Variants in RTL9 observed in about 807,000 individuals in gnomAD.
The protein encoded by RTL9 is retrotransposon Gag like 9.
Under a neutral mutation model 44.7 loss-of-function variants are expected in RTL9, and 19 were observed. The observed-to-expected ratio is 0.42, with a 90% CI of 0.30 to 0.62. The LOEUF is 0.62. Among genes scored for constraint, RTL9 ranks in the 20% least tolerant of loss-of-function variants. The probability of loss-of-function intolerance (pLI) is 0.16; values close to 1 mark genes in which losing one functional copy is unlikely to be tolerated. For missense variants in RTL9, 1,105 were observed against 1,080.6 expected (o/e 1.02, Z -0.32); for synonymous variants, 407 against 398.9 (o/e 1.02, Z -0.24).
At chrX:110,360,702 C>T (rs1389047762) in intron 1 of RTL9, among the ~76,000 whole-genome samples, 2 of 110,947 alleles carry the variant, frequency 1.8e-5, no homozygotes, top group African/African-American at 6.6e-5. Context: ...AGGGGAAGGA[C>T]AAATGAGATG....
intron 1 of RTL9, among the ~76,000 whole-genome samples, chrX:110,398,961 T>C (rs1173071993): frequency 8.9e-6 from 1 of 112,098 alleles, no homozygotes; most frequent in East Asian, 2.8e-4. Flanking sequence ...ATGCTATGAC[T>C]GATTATTGAT....
intron 1 of RTL9, among the ~76,000 whole-genome samples, chrX:110,433,727 G>A (rs765266680): frequency 1.2e-4 from 13 of 112,074 alleles, no homozygotes; most frequent in Non-Finnish European, 1.9e-4. Context: ...CTGAATGAGT[G>A]TTAACTAGCC....
chrX:110,425,978 G>A (rs752338657), intron 1 of RTL9, among the ~76,000 whole-genome samples: 93 of 110,102 alleles, frequency 8.4e-4, no homozygotes, highest in African/African-American at 2.4e-3. Flanking sequence ...GCGTGCGTGC[G>A]CGCACACACA....
exon 1 of RTL9, chrX:110,453,787 C>T: frequency 8.3e-7 from 1 of 1,211,563 alleles, no homozygotes; most frequent in Non-Finnish European, 1.1e-6. Context: ...ATGGGTATGT[C>T]CATGCCACAA....
intron 1 of RTL9, among the ~76,000 whole-genome samples, chrX:110,402,011 C>G (rs2068568647): frequency 8.9e-6 from 1 of 112,295 alleles, no homozygotes; most frequent in Non-Finnish European, 1.9e-5. Flanking sequence ...TCAAAGTCTC[C>G]CTTTCCTTTC....
chrX:110,401,892 T>C (rs1352951064), intron 1 of RTL9, among the ~76,000 whole-genome samples: 1 of 112,162 alleles, frequency 8.9e-6, no homozygotes, highest in Non-Finnish European at 1.9e-5. Context: ...ATGTTAACTG[T>C]TCCCTTAAAT....
At chrX:110,401,355 C>T (rs765432410) in intron 1 of RTL9, among the ~76,000 whole-genome samples, 1 of 111,594 alleles carries the variant, frequency 9.0e-6, no homozygotes, top group African/African-American at 3.3e-5. Context: ...CACCTACATG[C>T]TGCAACACCT....
At chrX:110,446,128 T>C (rs1462072108), upstream of RTL9, among the ~76,000 whole-genome samples, 1 of 111,259 alleles carries the variant, frequency 9.0e-6, no homozygotes, top group African/African-American at 3.3e-5. Flanking sequence ...CTGAATGCCA[T>C]TGCAGCTAGA....
intron 1 of RTL9, among the ~76,000 whole-genome samples, chrX:110,423,435 T>C (rs1345022690): frequency 9.0e-6 from 1 of 111,639 alleles, no homozygotes; most frequent in Non-Finnish European, 1.9e-5. Flanking sequence ...TGTGGTGGCA[T>C]CATGACTTCT....
At chrX:110,362,267 C>T (rs10126143) in intron 1 of RTL9, among the ~76,000 whole-genome samples, 1,286 of 111,638 alleles carry the variant, frequency 0.012, 11 homozygotes, top group Middle Eastern at 0.037. Context: ...AAAACTTAAG[C>T]TTGTTATATA....
chrX:110,377,784 C>T (rs1029754856), intron 1 of RTL9, among the ~76,000 whole-genome samples: 19 of 109,318 alleles, frequency 1.7e-4, no homozygotes, highest in African/African-American at 5.7e-4. Flanking sequence ...CCGAGGCGGG[C>T]GGATCACGAG....
At chrX:110,381,507 C>T (rs1269794038) in intron 1 of RTL9, among the ~76,000 whole-genome samples, 1 of 111,797 alleles carries the variant, frequency 8.9e-6, no homozygotes, top group Non-Finnish European at 1.9e-5. Flanking sequence ...CTGTGGAAAG[C>T]AGTTAAAGAT....
At chrX:110,416,006 CA>C (rs58422043), upstream of RTL9, among the ~76,000 whole-genome samples, 7,842 of 74,070 alleles carry the variant, frequency 0.11, 323 homozygotes, top group African/African-American at 0.18. Flanking sequence ...CCAGAAGAGG[CA>C]AAAAAAAAAA....
In RTL9 at chrX:110,405,100, C is replaced by A. The variant is rs1016815907; in HGVS notation, c.-167-40053C>A. Among the ~76,000 whole-genome samples the A allele has an allele frequency of 6.3e-4, 63 of 100,222 alleles. 3 individuals are homozygous for A. Among genetic ancestry groups the A allele is most frequent in the Admixed American group, 4.3e-4 (4 of 9,296 alleles). 87.0% of individuals were successfully genotyped at this position (100,222 alleles called of 115,157 possible). ...TGTGCTTGTTGTGTCCCCCCCCCCC[C>A]CAAGCATGAGTCAGAGCCTTTCATG... On this transcript the variant is annotated intron_variant, in intron 1 of 2. Transcript: ENST00000520821.
At chrX:110,372,703 A>T (rs1456172397) in intron 1 of RTL9, among the ~76,000 whole-genome samples, 1 of 112,202 alleles carries the variant, frequency 8.9e-6, no homozygotes, top group African/African-American at 3.2e-5. Context: ...GACATACTGG[A>T]TCAAATTTAA....
At chrX:110,391,725 T>C (rs1432655646) in intron 1 of RTL9, among the ~76,000 whole-genome samples, 2 of 112,282 alleles carry the variant, frequency 1.8e-5, no homozygotes, top group Admixed American at 9.5e-5. Flanking sequence ...AGCCATAACA[T>C]GTGGATGAAA....
At position 110,399,468 on chromosome X, in the gene RTL9, T is replaced by C. The variant is rs775835725; in HGVS notation, c.-168+40552T>C. 3.6e-5 allele frequency among the ~76,000 whole-genome samples: 4 copies of C among 112,468 alleles called. No individual in the cohort carries two copies. The Admixed American group carries it at 3.7e-4, about 11-fold the overall frequency. On this transcript the variant is annotated intron_variant, in intron 1 of 2. Transcript: ENST00000520821. Reference sequence around the variant, plus strand: ...GATGACCCTGGTCCCACTGCTTTGATTAAGACTAAACTGGAGTGAAAAAAT... The same window carrying C: ...GATGACCCTGGTCCCACTGCTTTGACTAAGACTAAACTGGAGTGAAAAAAT...
At chrX:110,359,930 G>T (rs1040466147) in intron 1 of RTL9, among the ~76,000 whole-genome samples, 7 of 112,103 alleles carry the variant, frequency 6.2e-5, no homozygotes, top group African/African-American at 2.3e-4. Context: ...GAATGGAGCA[G>T]CACTTTCCAA....
At chrX:110,416,510 A>G (rs1317351058), upstream of RTL9, among the ~76,000 whole-genome samples, 2 of 110,952 alleles carry the variant, frequency 1.8e-5, no homozygotes, top group Non-Finnish European at 3.8e-5. Context: ...GGGGTCACTC[A>G]GGCTAGCATG....
Sources: allele counts gnomAD v4.1 joint callset (sites outside exome capture counted in the v4.1 genomes callset), GRCh38; gene constraint gnomAD v4.1.1; transcripts MANE v1.5; gene names NCBI Gene and HGNC (gene_info 2026-07-23, HGNC 2026-07-21).